The following C3AR1 variants were observed in gnomAD, a reference collection of about 807,000 sequenced individuals.
C3AR1 encodes complement C3a receptor 1.
For synonymous variants in C3AR1, 208 were observed against 225.3 expected (o/e 0.92, Z 0.69); for missense variants, 579 against 583.5 (o/e 0.99, Z 0.08).
intron 1 of C3AR1, among the ~76,000 whole-genome samples, chr12:8,062,645 TTTTTTTC>T (rs1947286369): frequency 6.6e-6 from 1 of 152,126 alleles, no homozygotes; most frequent in East Asian, 1.9e-4. Context: ...TAACTTCTTC[TTTTTTTC>T]TTTTTTCTTG....
intron 1 of C3AR1, among the ~76,000 whole-genome samples, chr12:8,062,425 G>A (rs919173732): frequency 1.3e-5 from 2 of 151,630 alleles, no homozygotes; most frequent in African/African-American, 4.8e-5. Flanking sequence ...TCGGCCTCCC[G>A]AAGTGCTGAG....
chr12:8,062,403 A>G (rs1256676357), intron 1 of C3AR1, among the ~76,000 whole-genome samples: 1 of 152,018 alleles, frequency 6.6e-6, no homozygotes, highest in Non-Finnish European at 1.5e-5. Context: ...CCTGGGCTCT[A>G]CTGATTCTTC....
At chr12:8,060,398 T>G (rs953282855) in intron 1 of C3AR1, among the ~76,000 whole-genome samples, 1 of 152,086 alleles carries the variant, frequency 6.6e-6, no homozygotes, top group Non-Finnish European at 1.5e-5. Context: ...ATTTATTAAT[T>G]TATTAATTAT....
chr12:8,058,497 T>C lies in C3AR1; in HGVS notation c.*240A>G, dbSNP rs1022871336. On this transcript the variant is annotated 3_prime_UTR_variant, in exon 2 of 2. Transcript: ENST00000307637. ...GAAACGAGGGTTTGTTAAGTGCCCT[T>C]GCTGGGTCCCAACCCCCAGAGATTC... 8.5e-6 allele frequency: 4 copies of C among 471,324 alleles called. No homozygotes were observed. Among genetic ancestry groups the C allele is most frequent in the Admixed American group, 3.8e-5 (1 of 26,394 alleles). The allele number at this position is 471,324 out of a possible 1,614,324, so 29.2% of individuals were successfully genotyped here.
rs891996043 is a variant in C3AR1 at position 8,066,343 on chromosome 12, C to T, written c.-76G>A. The T allele has an allele frequency of 6.6e-6, 1 of 152,300 alleles. No homozygotes were observed. The highest frequency in any genetic ancestry group is 2.1e-4 in the South Asian group (1 of 4,826). 9.4% of individuals were successfully genotyped at this position (152,300 alleles called of 1,614,324 possible). On this transcript the variant is annotated 5_prime_UTR_variant, in exon 1 of 2. Coordinates refer to ENST00000307637, the MANE Select transcript of C3AR1 (RefSeq NM_004054.4). ...TGTCTCCACGAGTCCTGTCTGGTCC[C>T]CACACTTAGCCACAGTGAAGTCATG... is the stretch of plus-strand genomic sequence containing the variant.
Position 8,059,442 on chromosome 12 carries a change from C to T in C3AR1, c.744G>A (p.Arg248=), listed in dbSNP as rs1307410152. The change falls in exon 2 of 2, where the codon AGG becomes AGA. Residue 248 remains arginine (R), a synonymous_variant. Coordinates refer to ENST00000307637, the MANE Select transcript of C3AR1 (RefSeq NM_004054.4). ...TAGAATACAGATTTTGACTTGTTAA[C>T]CTAGCAGAACCCCTAGGGAGTGAAT... The part of the protein sequence containing the change: ...SADSLPRGSA[R]LTSQNLYSNV... 1.2e-5 allele frequency: 20 copies of T among 1,613,982 alleles called. No homozygotes were observed. The highest frequency in any genetic ancestry group is 1.7e-5 in the Non-Finnish European group (20 of 1,179,954).
At chr12:8,063,478 T>C (rs1947297297) in intron 1 of C3AR1, among the ~76,000 whole-genome samples, 1 of 152,202 alleles carries the variant, frequency 6.6e-6, no homozygotes, top group Non-Finnish European at 1.5e-5. Context: ...ATAGCTTTCC[T>C]GAACAATTCA....
Position 8,059,523 on chromosome 12 carries a change from A to G in C3AR1, c.663T>C (p.His221=). ...LDPSSFQTND[H]PWTVPTVFQP... ...GGAAGACAGTGGGGACTGTCCAAGG[A>G]TGATCATTTGTTTGGAAAGAGGAAG... Residue 221 remains histidine, a synonymous_variant, in exon 2 of 2, where the codon CAT becomes CAC. Transcript: ENST00000307637. 6.2e-7 allele frequency: 1 copy of G among 1,614,182 alleles called. No individual in the cohort carries two copies. The highest frequency in any genetic ancestry group is 8.5e-7 in the Non-Finnish European group (1 of 1,180,030).
chr12:8,062,233 C>T (rs1345495277), intron 1 of C3AR1, among the ~76,000 whole-genome samples: 2 of 152,206 alleles, frequency 1.3e-5, no homozygotes, highest in Non-Finnish European at 2.9e-5. Flanking sequence ...CATCAATGAA[C>T]ATGGGTGTAA....
intron 1 of C3AR1, 30 bp from the exon 2 acceptor site, chr12:8,060,225 A>G (rs2120388754): frequency 1.3e-6 from 2 of 1,521,844 alleles, no homozygotes; most frequent in Non-Finnish European, 8.9e-7. Context: ...ATGTTAAAAC[A>G]AACAGTATCT....
chr12:8,061,351 A>ATG (rs1195610878), intron 1 of C3AR1, among the ~76,000 whole-genome samples: 3 of 151,906 alleles, frequency 2.0e-5, no homozygotes, highest in Non-Finnish European at 4.4e-5. Flanking sequence ...ACCTTTTTTT[A>ATG]TGTGTGTGTG....
In C3AR1 at chr12:8,059,297, A is replaced by G; in HGVS notation, c.889T>C (p.Phe297Leu). The G allele has an allele frequency of 4.3e-6, 7 of 1,614,206 alleles. No individual in the cohort carries two copies. Among genetic ancestry groups the G allele is most frequent in the Non-Finnish European group, 5.9e-6 (7 of 1,180,030 alleles). The part of the protein sequence containing the change: ...DAFLSTHLKL[F>L]PSASSNSFYE... The stretch of plus-strand genomic sequence containing the variant: ...AAGGAATTGCTAGAAGCGCTAGGGA[A>G]CAGCTTTAAATGAGTAGAGAGAAAA... Residue 297 changes from phenylalanine (F) to leucine (L), a missense_variant, in exon 2 of 2, where the codon TTC becomes CTC. By Grantham distance (22) the Phe-to-Leu change is conservative. Coordinates refer to ENST00000307637, the MANE Select transcript of C3AR1 (RefSeq NM_004054.4).
In C3AR1 at chr12:8,058,853, T is replaced by A. The variant is rs1162143604; in HGVS notation, c.1333A>T (p.Lys445Ter). The change falls in exon 2 of 2, where the codon AAA becomes TAA. Residue 445 changes from lysine to a stop codon, truncating the protein, a stop_gained. Transcript: ENST00000307637. LOFTEE classifies it high-confidence loss of function. ...YALLGKDFRK[K>*]ARQSIQGILE... The stretch of plus-strand genomic sequence containing the variant: ...ATTCCCTGAATGGACTGCCTTGCTT[T>A]CTTCCTAAAATCTTTCCCCAAGAGG... 1 of 1,614,110 alleles carries A rather than the reference T, an allele frequency of 6.2e-7. No individual in the cohort carries two copies. Among genetic ancestry groups the A allele is most frequent in the African/African-American group, 1.3e-5 (1 of 74,930 alleles).
At position 8,058,659 on chromosome 12, in the gene C3AR1, A is replaced by T. The variant is rs1394322209; in HGVS notation, c.*78T>A. The T allele has an allele frequency of 1.0e-5, 15 of 1,467,350 alleles. No individual in the cohort carries two copies. The highest frequency in any genetic ancestry group is 1.8e-6 in the Non-Finnish European group (2 of 1,086,652). 90.9% of individuals were successfully genotyped at this position (1,467,350 alleles called of 1,614,324 possible). A position where few individuals can be genotyped will look rare whatever the true frequency, so the allele number is the denominator to read the frequency against. ...TGACAGTTTTTGAAGTCCGCTGCTC[A>T]CCATATCACTTCATCCTCTTATAAA... On this transcript the variant is annotated 3_prime_UTR_variant, in exon 2 of 2. Transcript: ENST00000307637.
At chr12:8,065,252 C>G (rs1947319512) in intron 1 of C3AR1, among the ~76,000 whole-genome samples, 1 of 150,616 alleles carries the variant, frequency 6.6e-6, no homozygotes, top group Non-Finnish European at 1.5e-5. Flanking sequence ...GGACTGCAAA[C>G]AGCAAAATTT....
chr12:8,064,875 G>A (rs769810383), intron 1 of C3AR1, among the ~76,000 whole-genome samples: 1 of 150,426 alleles, frequency 6.6e-6, no homozygotes, highest in African/African-American at 2.5e-5. Flanking sequence ...TGTTGTTGTT[G>A]TTTGTTTGTT....
At chr12:8,062,804 C>T (rs1187881084) in intron 1 of C3AR1, among the ~76,000 whole-genome samples, 1 of 152,016 alleles carries the variant, frequency 6.6e-6, no homozygotes, top group Non-Finnish European at 1.5e-5. Context: ...CCACCATGCC[C>T]GGCTAATTTT....
chr12:8,059,672 A>G lies in C3AR1; in HGVS notation c.514T>C (p.Cys172Arg), dbSNP rs1947246902. 1.2e-6 allele frequency: 2 copies of G among 1,614,084 alleles called. No individual in the cohort carries two copies. The highest frequency in any genetic ancestry group is 1.3e-5 in the African/African-American group (1 of 74,936). Residue 172 changes from cysteine to arginine, a missense_variant, in exon 2 of 2, where the codon TGT (cysteine) becomes CGT (arginine). Coordinates refer to ENST00000307637, the MANE Select transcript of C3AR1 (RefSeq NM_004054.4). ...EIFTTDNHNR[C>R]GYKFGLSSSL... ...CTGGAGAGACCAAATTTGTAGCCAC[A>G]TCTATTATGGTTGTCTGTAGTGAAG...
At position 8,058,840 on chromosome 12, in the gene C3AR1, G is replaced by C; in HGVS notation, c.1346C>G (p.Ser449Cys). 6.2e-7 allele frequency: 1 copy of C among 1,614,194 alleles called. No individual in the cohort carries two copies. The highest frequency in any genetic ancestry group is 1.1e-5 in the South Asian group (1 of 91,090). The stretch of plus-strand genomic sequence containing the variant: ...GGCTGCCTCCAGAATTCCCTGAATG[G>C]ACTGCCTTGCTTTCTTCCTAAAATC... Reference protein sequence around the residue: ...GKDFRKKARQSIQGILEAAFS... With the variant: ...GKDFRKKARQCIQGILEAAFS... The change falls in exon 2 of 2, where the codon TCC becomes TGC. Residue 449 changes from serine to cysteine, a missense_variant. Coordinates refer to ENST00000307637, the MANE Select transcript of C3AR1 (RefSeq NM_004054.4).
Sources: gnomAD v4.1 joint callset for allele counts (sites outside exome capture counted in the v4.1 genomes callset) on GRCh38, gnomAD v4.1.1 for gene constraint, MANE v1.5 for transcripts, NCBI Gene and HGNC (gene_info 2026-07-23, HGNC 2026-07-21) for gene names.